Variants in PLXDC1 observed in about 807,000 individuals in gnomAD.
PLXDC1 encodes plexin domain-containing protein 1.
A neutral mutation model predicts 61.3 loss-of-function variants in PLXDC1; 39 were observed. The observed-to-expected ratio is 0.64, with a 90% CI of 0.49 to 0.83. The LOEUF (loss-of-function observed/expected upper bound fraction) is 0.83, where lower values mean the gene tolerates loss of function less well. Ranked by LOEUF, PLXDC1 falls within the 40% of genes least tolerant of loss-of-function variation. PLXDC1 has a pLI of 0.00. For missense variants in PLXDC1, 596 were observed against 666.5 expected, an observed-to-expected ratio of 0.89 and a Z score of 1.17; for synonymous variants, 212 against 254.5, an observed-to-expected ratio of 0.83 and a Z score of 1.59.
In PLXDC1 at chr17:39,151,008, C is replaced by G. The variant is rs2045368932; in HGVS notation, c.76+354G>C. On this transcript the variant is annotated intron_variant, in intron 1 of 13. Transcript: ENST00000315392. The surrounding 1 kb of genome is among the most constrained non-coding windows in gnomAD (Gnocchi z 5.2). Reference sequence around the variant, plus strand: ...GGCAGGGGCCTCCCCAGGCTCCCATCTCATCAGAATTCAGCCTTGCCTGGG... The same window carrying G: ...GGCAGGGGCCTCCCCAGGCTCCCATGTCATCAGAATTCAGCCTTGCCTGGG... Among the ~76,000 whole-genome samples, 1 of 152,124 alleles carries G rather than the reference C, an allele frequency of 6.6e-6. No individual in the cohort carries two copies.
At position 39,109,306 on chromosome 17, in the gene PLXDC1, G is replaced by T. The variant is rs114852007; in HGVS notation, c.341C>A (p.Ala114Asp). The T allele has an allele frequency of 6.2e-6, 10 of 1,612,258 alleles. No individual in the cohort carries two copies. Among genetic ancestry groups the T allele is most frequent in the Middle Eastern group, 1.7e-4 (1 of 6,052 alleles). ...SRELWVDVAE[A>D]NRSQVKIHTI... is the part of the protein sequence containing the mutation. ...GTGGATCTTCACTTGGCTCCGGTTG[G>T]CCTCGGCCACATCTACCCACAGTTC... Residue 114 changes from alanine to aspartate, a missense_variant, in exon 3 of 14, where the codon GCC (alanine) becomes GAC (aspartate). Physicochemically the swap from Ala to Asp is moderately radical, Grantham distance 126 (BLOSUM62 -2). Coordinates refer to ENST00000315392, the MANE Select transcript of PLXDC1 (RefSeq NM_020405.5).
At chr17:39,121,092 C>T (rs577416945) in intron 2 of PLXDC1, among the ~76,000 whole-genome samples, 32 of 151,832 alleles carry the variant, frequency 2.1e-4, no homozygotes, top group African/African-American at 7.7e-4. Flanking sequence ...CCTCTCACCT[C>T]GGCCTCCCAA....
chr17:39,067,768 A>G lies in PLXDC1; in HGVS notation c.*72T>C. The G allele has an allele frequency of 1.4e-6, 2 of 1,462,176 alleles. No individual in the cohort carries two copies. Among genetic ancestry groups the G allele is most frequent in the Non-Finnish European group, 1.9e-6 (2 of 1,066,434 alleles). The allele number at this position is 1,462,176 out of a possible 1,614,324, so 90.6% of individuals were successfully genotyped here. ...GGGCATGCTGGGAGAGGCCAGGAAA[A>G]GTCACTTCTCTTCTTTGCTTTAACT... On this transcript the variant is annotated 3_prime_UTR_variant, in exon 14 of 14. Transcript: ENST00000315392.
upstream of PLXDC1, chr17:39,152,629 G>A (rs2045381556): frequency 7.2e-6 from 9 of 1,246,528 alleles, no homozygotes; most frequent in Non-Finnish European, 9.1e-6. Context: ...GTGGGCTGGG[G>A]CCTAGGGACT....
chr17:39,112,543 T>C (rs186131455), intron 2 of PLXDC1, among the ~76,000 whole-genome samples: 2 of 146,284 alleles, frequency 1.4e-5, no homozygotes, highest in East Asian at 4.1e-4. Context: ...CTGCAATCTC[T>C]ACCTCCTGGG....
At chr17:39,088,963 AAG>A (rs1555570852) in intron 7 of PLXDC1, among the ~76,000 whole-genome samples, 1 of 119,594 alleles carries the variant, frequency 8.4e-6, no homozygotes, top group African/African-American at 3.5e-5. Flanking sequence ...AAAAAAAAAA[AAG>A]AGAGAGAGAG....
chr17:39,132,633 T>C (rs1597658258), intron 2 of PLXDC1, among the ~76,000 whole-genome samples: 1 of 152,048 alleles, frequency 6.6e-6, no homozygotes, highest in East Asian at 1.9e-4. Flanking sequence ...AGGAGCATTG[T>C]GGTGAGATGG....
At chr17:39,129,541 C>G (rs768993200) in intron 2 of PLXDC1, among the ~76,000 whole-genome samples, 1 of 150,880 alleles carries the variant, frequency 6.6e-6, no homozygotes, top group South Asian at 2.1e-4. Context: ...CGTTTGAACC[C>G]GGGAGGCGGA....
intron 2 of PLXDC1, among the ~76,000 whole-genome samples, chr17:39,115,486 C>G (rs1206944378): frequency 6.6e-6 from 1 of 152,218 alleles, no homozygotes; most frequent in Non-Finnish European, 1.5e-5. Flanking sequence ...ACAGACTGCC[C>G]TCCTGGCACA....
intron 2 of PLXDC1, among the ~76,000 whole-genome samples, chr17:39,128,981 G>A (rs758100332): frequency 3.3e-5 from 5 of 150,886 alleles, no homozygotes; most frequent in Non-Finnish European, 7.4e-5. Flanking sequence ...CTGCACTCCA[G>A]TCTAGGCAAC....
At chr17:39,072,115 C>T (rs893876077) in intron 12 of PLXDC1, 1 of 350,806 alleles carries the variant, frequency 2.9e-6, no homozygotes, top group Non-Finnish European at 5.3e-6. Context: ...GGGATGGCCA[C>T]AGGCCCCACC....
chr17:39,150,680 C>A (rs537438839), intron 1 of PLXDC1, among the ~76,000 whole-genome samples: 2 of 152,134 alleles, frequency 1.3e-5, no homozygotes, highest in Non-Finnish European at 2.9e-5. Context: ...CCACCCCCTA[C>A]CCCAGTGCCC....
Position 39,069,980 on chromosome 17 carries a change from G to A in PLXDC1, c.1259C>T (p.Thr420Ile), listed in dbSNP as rs1459077782. The change falls in exon 13 of 14, where the codon ACT (threonine) becomes ATT (isoleucine). Residue 420 changes from threonine (T) to isoleucine (I), a missense_variant. By Grantham distance (89) the Thr-to-Ile change is moderately conservative. Transcript: ENST00000315392. ...QNNLSPKTKG[T>I]PVHLGTIVGI... ...CACGATGGTGCCCAGGTGCACAGGA[G>A]TGCCCTTTGTCTTGGGGGACAGGTT... 4 of 1,613,900 alleles carry A rather than the reference G, an allele frequency of 2.5e-6. No individual in the cohort carries two copies. Among genetic ancestry groups the A allele is most frequent in the Non-Finnish European group, 3.4e-6 (4 of 1,179,786 alleles).
At chr17:39,087,555 G>T in intron 8 of PLXDC1, 52 bp downstream of exon 8, 1 of 1,387,058 alleles carries the variant, frequency 7.2e-7, no homozygotes, top group Non-Finnish European at 1.0e-6. Context: ...CATGAAGCCA[G>T]TCTGCTTGAC....
At position 39,105,894 on chromosome 17, in the gene PLXDC1, C is replaced by G; in HGVS notation, c.771G>C (p.Ser257=). The change falls in exon 7 of 14, where the codon TCG becomes TCC. Residue 257 remains serine (S), a synonymous_variant. Transcript: ENST00000315392. ...SSQHPVKTGL[S]DAFMILNPSP... ...ATGGATTGAGAATCATGAAGGCATC[C>G]GATAGGCCGGTTTTGACAGGATGCT... 1 of 1,613,974 alleles carries G rather than the reference C, an allele frequency of 6.2e-7. No individual in the cohort carries two copies. Among genetic ancestry groups the G allele is most frequent in the Non-Finnish European group, 8.5e-7 (1 of 1,179,888 alleles).
At chr17:39,134,000 G>A (rs919709591) in intron 2 of PLXDC1, among the ~76,000 whole-genome samples, 177 of 151,124 alleles carry the variant, frequency 1.2e-3, no homozygotes, top group Non-Finnish European at 1.6e-4. Flanking sequence ...GCTCACGCCT[G>A]TAATCCCAGC....
At chr17:39,144,438 G>A (rs754085985) in intron 1 of PLXDC1, among the ~76,000 whole-genome samples, 10 of 152,176 alleles carry the variant, frequency 6.6e-5, no homozygotes, top group Non-Finnish European at 1.2e-4. Flanking sequence ...GGCCTACCCT[G>A]GCCTAGCCCT....
intron 1 of PLXDC1, among the ~76,000 whole-genome samples, chr17:39,145,842 G>T (rs138164423): frequency 2.7e-4 from 41 of 152,194 alleles, no homozygotes; most frequent in Non-Finnish European, 4.0e-4. Context: ...CACTCTCTAA[G>T]ACTCAGTTTC....
At chr17:39,136,981 C>T (rs571043346) in intron 2 of PLXDC1, among the ~76,000 whole-genome samples, 19 of 152,150 alleles carry the variant, frequency 1.2e-4, no homozygotes, top group Non-Finnish European at 2.6e-4. Flanking sequence ...AAGGAGAAAT[C>T]TGAAAGAAAT....
Sources: allele counts gnomAD v4.1 joint callset (sites outside exome capture counted in the v4.1 genomes callset), GRCh38; gene constraint gnomAD v4.1.1; non-coding constraint Gnocchi (gnomAD v3.1); transcripts MANE v1.5; gene names NCBI Gene and HGNC (gene_info 2026-07-23, HGNC 2026-07-21).